GRIK1: variants seen among roughly 807,000 people sequenced by gnomAD.
The protein encoded by GRIK1 is glutamate receptor ionotropic, kainate 1.
GRIK1 carries 69 observed loss-of-function variants against 105.7 expected under a neutral mutation model. That is an observed-to-expected ratio of 0.65 (90% CI 0.54 to 0.80). The LOEUF (loss-of-function observed/expected upper bound fraction) is 0.80. GRIK1 is among the 30% of genes least tolerant of loss of function. GRIK1 has a pLI of 0.00. For missense variants in GRIK1, 1,109 were observed against 1,167.3 expected, an observed-to-expected ratio of 0.95 and a Z score of 0.73; for synonymous variants, 438 against 431.3, an observed-to-expected ratio of 1.02 and a Z score of -0.19.
At chr21:29,926,102 A>G (rs1360366730) in intron 1 of GRIK1, among the ~76,000 whole-genome samples, 1 of 47,018 alleles carries the variant, frequency 2.1e-5, no homozygotes, top group Non-Finnish European at 4.5e-5. Flanking sequence ...GATCATAAAA[A>G]GCTAAAAAAA....
chr21:29,619,543 G>T (rs75438656), intron 7 of GRIK1, among the ~76,000 whole-genome samples: 2,187 of 152,182 alleles, frequency 0.014, 41 homozygotes, highest in African/African-American at 0.049. Context: ...TATACTATTT[G>T]AGTGATGGGT....
At chr21:29,839,630 T>C (rs186145653) in intron 1 of GRIK1, among the ~76,000 whole-genome samples, 1 of 152,310 alleles carries the variant, frequency 6.6e-6, no homozygotes, top group East Asian at 1.9e-4. Context: ...TGAGATGTTA[T>C]GGGGACAAAT....
At chr21:29,691,726 C>T (rs1157825501) in intron 2 of GRIK1, among the ~76,000 whole-genome samples, 1 of 152,158 alleles carries the variant, frequency 6.6e-6, no homozygotes, top group Non-Finnish European at 1.5e-5. Flanking sequence ...TAATATCATT[C>T]TACAAATAAA....
At chr21:29,827,824 C>T (rs958744413) in intron 1 of GRIK1, among the ~76,000 whole-genome samples, 4 of 152,036 alleles carry the variant, frequency 2.6e-5, no homozygotes, top group Non-Finnish European at 5.9e-5. Flanking sequence ...TTACTATTCT[C>T]AATTTGGGCT....
chr21:29,581,676 C>T, intron 12 of GRIK1, 133 bp from the exon 13 acceptor site: 2 of 600,072 alleles, frequency 3.3e-6, no homozygotes, highest in South Asian at 4.3e-5. Flanking sequence ...GAGTAAAGGC[C>T]ATAGTCATAA....
At chr21:29,709,635 T>C (rs1468631156) in intron 1 of GRIK1, among the ~76,000 whole-genome samples, 1 of 152,084 alleles carries the variant, frequency 6.6e-6, no homozygotes, top group Non-Finnish European at 1.5e-5. Context: ...CATGGGCACA[T>C]TTATATTTAT....
At chr21:29,882,080 A>G (rs906434247) in intron 1 of GRIK1, among the ~76,000 whole-genome samples, 2 of 152,114 alleles carry the variant, frequency 1.3e-5, no homozygotes, top group Admixed American at 6.6e-5. Context: ...CAGAACAGAG[A>G]CAAATTAAAC....
At chr21:29,735,995 G>A (rs2064781658) in intron 1 of GRIK1, among the ~76,000 whole-genome samples, 1 of 152,026 alleles carries the variant, frequency 6.6e-6, no homozygotes, top group South Asian at 2.1e-4. Context: ...CAAGTCAAAT[G>A]TTTTTCCCTA....
chr21:29,560,519 C>CCTTT lies in GRIK1; in HGVS notation c.2356+1101_2356+1104dup, dbSNP rs1201508832. 2.5e-3 allele frequency among the ~76,000 whole-genome samples: 145 copies of CCTTT among 57,810 alleles called. 3 individuals carry two copies. Among genetic ancestry groups the CCTTT allele is most frequent in the Non-Finnish European group, 3.0e-3 (99 of 32,876 alleles). 37.9% of individuals were successfully genotyped at this position (57,810 alleles called of 152,430 possible). A position where few individuals can be genotyped will look rare whatever the true frequency, so the allele number is the denominator to read the frequency against. On this transcript the variant is annotated intron_variant, in intron 15 of 17. Transcript: ENST00000327783. ...TCTTTCCTTCCTTCCTTCCTTCCTT[C>CCTTT]CTTTCTTTCTTTCTTTCTTTCTTTC...
intron 1 of GRIK1, among the ~76,000 whole-genome samples, chr21:29,937,733 T>G (rs1429102141): frequency 6.6e-6 from 1 of 152,106 alleles, no homozygotes; most frequent in African/African-American, 2.4e-5. Flanking sequence ...AAACCCCAAT[T>G]AAGTTAATAA....
chr21:29,669,385 T>C (rs183981985), intron 4 of GRIK1, among the ~76,000 whole-genome samples: 1 of 152,148 alleles, frequency 6.6e-6, no homozygotes, highest in African/African-American at 2.4e-5. Context: ...GGCAGAGAAA[T>C]GTTCTTGGCA....
At chr21:29,916,188 A>C (rs948159748) in intron 1 of GRIK1, among the ~76,000 whole-genome samples, 3 of 151,994 alleles carry the variant, frequency 2.0e-5, no homozygotes, top group African/African-American at 7.2e-5. Flanking sequence ...AAATTTACAC[A>C]GAAAAGTAAT....
At chr21:29,592,233 T>A (rs952402616) in intron 9 of GRIK1, among the ~76,000 whole-genome samples, 1 of 152,190 alleles carries the variant, frequency 6.6e-6, no homozygotes, top group Non-Finnish European at 1.5e-5. Context: ...TCTTCTGTTA[T>A]TATTTATCTG....
At chr21:29,648,649 T>C (rs187302873) in intron 6 of GRIK1, among the ~76,000 whole-genome samples, 1 of 152,284 alleles carries the variant, frequency 6.6e-6, no homozygotes, top group East Asian at 1.9e-4. Flanking sequence ...TTTTATGAAG[T>C]GTCTATTCTT....
chr21:29,703,293 A>C (rs2063847010), intron 1 of GRIK1, among the ~76,000 whole-genome samples: 1 of 152,218 alleles, frequency 6.6e-6, no homozygotes, highest in Admixed American at 6.5e-5. Flanking sequence ...TTAGCTGACA[A>C]TCAAGACATG....
chr21:29,837,607 G>C (rs1236917707), intron 1 of GRIK1, among the ~76,000 whole-genome samples: 1 of 152,102 alleles, frequency 6.6e-6, no homozygotes, highest in African/African-American at 2.4e-5. Context: ...ACTACTTTTT[G>C]CTAGAGTCAG....
intron 1 of GRIK1, among the ~76,000 whole-genome samples, chr21:29,936,529 C>A (rs796341810): frequency 6.6e-6 from 1 of 152,300 alleles, no homozygotes; most frequent in South Asian, 2.1e-4. Flanking sequence ...GGAATGACTC[C>A]AGCAGCTCCA....
At chr21:29,839,233 A>G (rs2067903376) in intron 1 of GRIK1, among the ~76,000 whole-genome samples, 1 of 152,008 alleles carries the variant, frequency 6.6e-6, no homozygotes, top group South Asian at 2.1e-4. Flanking sequence ...TATTTCTAGT[A>G]GAGACAGGGT....
intron 1 of GRIK1, among the ~76,000 whole-genome samples, chr21:29,918,406 T>C (rs775193942): frequency 6.6e-6 from 1 of 152,074 alleles, no homozygotes; most frequent in Non-Finnish European, 1.5e-5. Context: ...AAATTGATGC[T>C]AAGAGAGGCT....
Sources: gnomAD v4.1 joint callset for allele counts (sites outside exome capture counted in the v4.1 genomes callset) on GRCh38, gnomAD v4.1.1 for gene constraint, MANE v1.5 for transcripts, NCBI Gene and HGNC (gene_info 2026-07-23, HGNC 2026-07-21) for gene names.